The following FRK variants were observed in gnomAD, a reference collection of about 807,000 sequenced individuals.
FRK encodes the protein tyrosine-protein kinase FRK.
In FRK, 51 loss-of-function variants were observed where a neutral mutation model predicts 56.4. That is an observed-to-expected ratio of 0.90 (90% CI 0.72 to 1.14). The LOEUF is 1.14. FRK is among the 50% of genes most tolerant of loss of function. The pLI is 0.00. For synonymous variants in FRK, 245 were observed against 217.9 expected, an observed-to-expected ratio of 1.12 and a Z score of -1.10; for missense variants, 570 against 601.4, an observed-to-expected ratio of 0.95 and a Z score of 0.55.
intron 2 of FRK, among the ~76,000 whole-genome samples, chr6:115,987,085 TCATGGG>T (rs1774425323): frequency 1.3e-5 from 2 of 152,048 alleles, no homozygotes; most frequent in Non-Finnish European, 2.9e-5. Context: ...CAAGCTACAA[TCATGGG>T]ACAAGCTCTA....
chr6:115,937,972 T>C lies in FRK; in HGVS notation c.*4442A>G, dbSNP rs969121880. ...AACTTGAACTCAGCTCTGGACCAAG[T>C]GGACCTAACAGACATCTACAGAATT... On this transcript the variant is annotated 3_prime_UTR_variant, in exon 8 of 8. Transcript: ENST00000606080. The C allele has an allele frequency of 3.9e-5, 6 of 152,276 alleles. No individual in the cohort carries two copies. The highest frequency in any genetic ancestry group is 8.8e-5 in the Non-Finnish European group (6 of 68,006). 9.4% of individuals were successfully genotyped at this position (152,276 alleles called of 1,614,324 possible). A position where few individuals can be genotyped will look rare whatever the true frequency, so the allele number is the denominator to read the frequency against.
the FRK span, among the ~76,000 whole-genome samples, chr6:116,086,863 G>A: frequency 3.5e-4 from 54 of 152,292 alleles, 1 homozygote; most frequent in African/African-American, 1.3e-3. Flanking sequence ...TGAACAAGAC[G>A]AAGTCCCCAT....
At chr6:115,971,513 A>C (rs1562264262) in intron 2 of FRK, among the ~76,000 whole-genome samples, 1 of 152,200 alleles carries the variant, frequency 6.6e-6, no homozygotes, top group Non-Finnish European at 1.5e-5. Flanking sequence ...ATACACAGAA[A>C]AGCACAACTA....
At chr6:116,058,573 G>A (rs1777482710) in intron 1 of FRK, among the ~76,000 whole-genome samples, 2 of 152,136 alleles carry the variant, frequency 1.3e-5, no homozygotes, top group Non-Finnish European at 2.9e-5. Context: ...GAGAACATAA[G>A]AGAATCTCCA....
intron 1 of FRK, among the ~76,000 whole-genome samples, chr6:116,058,604 C>A (rs747346708): frequency 1.3e-5 from 2 of 152,136 alleles, no homozygotes; most frequent in Non-Finnish European, 2.9e-5. Context: ...TATTAAGAAA[C>A]CATTCTATAA....
chr6:116,067,382 CATTTATTT>C, the FRK span, among the ~76,000 whole-genome samples: 2 of 151,646 alleles, frequency 1.3e-5, no homozygotes, highest in African/African-American at 2.4e-5. Context: ...TTTTTATTTT[CATTTATTT>C]ATTTATTTAT....
chr6:116,093,013 T>C, the FRK span, among the ~76,000 whole-genome samples: 1 of 152,320 alleles, frequency 6.6e-6, no homozygotes, highest in African/African-American at 2.4e-5. Flanking sequence ...AATACTATCC[T>C]GCAGCTTGAC....
chr6:115,954,951 G>A (rs986967595), intron 5 of FRK, among the ~76,000 whole-genome samples: 3 of 152,132 alleles, frequency 2.0e-5, no homozygotes, highest in Non-Finnish European at 4.4e-5. Context: ...AAGCCCTCGA[G>A]GATTTGGAGA....
chr6:115,960,085 C>T (rs551676052), intron 4 of FRK, among the ~76,000 whole-genome samples: 37 of 152,210 alleles, frequency 2.4e-4, no homozygotes, highest in Non-Finnish European at 3.7e-4. Flanking sequence ...CAGCTCCCAG[C>T]GTGAGCGACG....
chr6:116,072,352 A>G, the FRK span, among the ~76,000 whole-genome samples: 1 of 152,288 alleles, frequency 6.6e-6, no homozygotes, highest in African/African-American at 2.4e-5. Context: ...AAATAAAAAT[A>G]TTAACCAAAA....
chr6:116,092,175 C>T, the FRK span, among the ~76,000 whole-genome samples: 1 of 152,150 alleles, frequency 6.6e-6, no homozygotes, highest in Admixed American at 6.5e-5. Flanking sequence ...ATAATTTTTG[C>T]CCAAAGCCCT....
chr6:115,951,444 A>G (rs1772746108), intron 5 of FRK, among the ~76,000 whole-genome samples: 1 of 152,190 alleles, frequency 6.6e-6, no homozygotes, highest in African/African-American at 2.4e-5. Flanking sequence ...GACCTATAAT[A>G]GATGTTCTAT....
intron 1 of FRK, among the ~76,000 whole-genome samples, chr6:116,023,391 T>C (rs1431488276): frequency 1.3e-5 from 2 of 152,174 alleles, no homozygotes; most frequent in South Asian, 2.1e-4. Context: ...GCAGCCAAAA[T>C]GTTCATCAAC....
At chr6:116,084,843 A>C in the FRK span, among the ~76,000 whole-genome samples, 1 of 152,220 alleles carries the variant, frequency 6.6e-6, no homozygotes, top group Non-Finnish European at 1.5e-5. Flanking sequence ...GGATATATCA[A>C]TGAAGTGATT....
intron 2 of FRK, among the ~76,000 whole-genome samples, chr6:115,986,249 T>A (rs1582681957): frequency 6.6e-6 from 1 of 152,038 alleles, no homozygotes; most frequent in Non-Finnish European, 1.5e-5. Context: ...TTGGTTTGCT[T>A]CTTCTTAGTC....
chr6:115,967,608 C>T lies in FRK; in HGVS notation c.742G>A (p.Val248Ile), dbSNP rs1259271396. The T allele has an allele frequency of 6.2e-7, 1 of 1,613,832 alleles. No homozygotes were observed. The highest frequency in any genetic ancestry group is 8.5e-7 in the Non-Finnish European group (1 of 1,179,828). ...KRLGSGQFGEVWEGLWNNTTP... is the reference protein window; with the variant it reads ...KRLGSGQFGEIWEGLWNNTTP... ...GTATTGTTCCACAGACCTTCCCATA[C>T]TTCGCCAAACTGACCAGATCCCAAT... Residue 248 changes from valine to isoleucine, a missense_variant, in exon 4 of 8, where the codon GTA becomes ATA. Coordinates refer to ENST00000606080, the MANE Select transcript of FRK (RefSeq NM_002031.3).
At position 115,967,714 on chromosome 6, in the gene FRK, C is replaced by A; in HGVS notation, c.636G>T (p.Gln212His). The A allele has an allele frequency of 1.9e-6, 3 of 1,594,912 alleles. No homozygotes were observed. The highest frequency in any genetic ancestry group is 1.7e-6 in the Non-Finnish European group (2 of 1,169,620). The change falls in exon 4 of 8, where the codon CAG (glutamine) becomes CAT (histidine). Residue 212 changes from glutamine (Q) to histidine (H), a missense_variant. Transcript: ENST00000606080. ...ACGACAAATCAAATGGAGCTGGGAC[C>A]TGGATCTGTTTCATAGAATAATAAG... ...VKLGKPCLKIQVPAPFDLSYK... is the reference protein window; with the variant it reads ...VKLGKPCLKIHVPAPFDLSYK...
intron 2 of FRK, among the ~76,000 whole-genome samples, chr6:115,994,152 T>C (rs1456040395): frequency 6.6e-6 from 1 of 151,982 alleles, no homozygotes; most frequent in African/African-American, 2.4e-5. Flanking sequence ...ATCAGAGACT[T>C]TAGTATGCTT....
intron 1 of FRK, among the ~76,000 whole-genome samples, chr6:116,030,751 C>G (rs143415021): frequency 3.3e-5 from 5 of 152,212 alleles, no homozygotes; most frequent in South Asian, 2.1e-4. Context: ...CTTTGGAATA[C>G]ATTGGTAAAC....
Sources: gnomAD v4.1 joint callset for allele counts (sites outside exome capture counted in the v4.1 genomes callset) on GRCh38, gnomAD v4.1.1 for gene constraint, MANE v1.5 for transcripts, NCBI Gene and HGNC (gene_info 2026-07-23, HGNC 2026-07-21) for gene names.